The following ATRNL1 variants were observed in gnomAD, a reference collection of about 807,000 sequenced individuals.
The protein encoded by ATRNL1 is attractin like 1.
Under a neutral mutation model 182.7 loss-of-function variants are expected in ATRNL1, and 95 were observed. The ratio of observed to expected loss-of-function variants is 0.52; its 90% CI spans 0.44 to 0.62. ATRNL1 has a LOEUF of 0.62. ATRNL1 is among the 20% of genes least tolerant of loss of function. The pLI is 0.00. For missense variants in ATRNL1, 1,471 were observed against 1,679.5 expected (o/e 0.88, Z 2.17); for synonymous variants, 576 against 568.3 (o/e 1.01, Z -0.19).
At chr10:115,882,567 G>C (rs1555108871) in intron 28 of ATRNL1, among the ~76,000 whole-genome samples, 1 of 152,096 alleles carries the variant, frequency 6.6e-6, no homozygotes, top group Non-Finnish European at 1.5e-5. Context: ...CCACTCTCCA[G>C]GGTCACACAT....
intron 28 of ATRNL1, among the ~76,000 whole-genome samples, chr10:115,895,106 C>G (rs969270888): frequency 2.0e-5 from 3 of 152,084 alleles, no homozygotes; most frequent in Admixed American, 2.0e-4. Flanking sequence ...TTTTAAGTTG[C>G]CATTATATTG....
At chr10:115,846,351 T>C (rs1950927687) in intron 27 of ATRNL1, among the ~76,000 whole-genome samples, 2 of 152,066 alleles carry the variant, frequency 1.3e-5, no homozygotes, top group African/African-American at 4.8e-5. Context: ...CAGTCCAAGT[T>C]TTACAAGAAA....
At chr10:115,219,270 G>C (rs1447911507) in intron 9 of ATRNL1, among the ~76,000 whole-genome samples, 4 of 151,704 alleles carry the variant, frequency 2.6e-5, no homozygotes, top group Non-Finnish European at 4.4e-5. Flanking sequence ...TGACGTGTGT[G>C]CTTTGCACCC....
chr10:115,482,249 A>T (rs1242999880), intron 24 of ATRNL1, among the ~76,000 whole-genome samples: 2 of 151,122 alleles, frequency 1.3e-5, no homozygotes, highest in Non-Finnish European at 3.0e-5. Context: ...AATTCTTTAA[A>T]TATTGCCTTA....
intron 24 of ATRNL1, among the ~76,000 whole-genome samples, chr10:115,484,105 CTG>C (rs1245909592): frequency 7.0e-6 from 1 of 142,646 alleles, no homozygotes; most frequent in East Asian, 2.0e-4. Context: ...TGAAGAGACT[CTG>C]TTTCTGATTA....
chr10:115,226,611 G>A (rs961987287), intron 9 of ATRNL1, among the ~76,000 whole-genome samples: 7 of 150,070 alleles, frequency 4.7e-5, no homozygotes, highest in Middle Eastern at 3.2e-3. Context: ...AAAAGAGCCC[G>A]AATAACCAAA....
intron 27 of ATRNL1, among the ~76,000 whole-genome samples, chr10:115,751,172 G>C (rs1555070527): frequency 6.6e-6 from 1 of 152,040 alleles, no homozygotes; most frequent in African/African-American, 2.4e-5. Context: ...GGTTAGAACG[G>C]TGTGATCAGT....
chr10:115,490,280 A>C (rs1315211185), intron 24 of ATRNL1, among the ~76,000 whole-genome samples: 2 of 152,118 alleles, frequency 1.3e-5, no homozygotes, highest in Non-Finnish European at 2.9e-5. Flanking sequence ...CTGCATTGCT[A>C]GGTCGGGGCA....
chr10:115,381,096 G>A (rs1857972127), intron 19 of ATRNL1, among the ~76,000 whole-genome samples: 1 of 152,030 alleles, frequency 6.6e-6, no homozygotes, highest in Non-Finnish European at 1.5e-5. Flanking sequence ...TGTGTGAAGT[G>A]ATCTCATTGG....
chr10:115,290,665 C>T (rs1350538846), intron 15 of ATRNL1, among the ~76,000 whole-genome samples: 1 of 151,704 alleles, frequency 6.6e-6, no homozygotes, highest in African/African-American at 2.4e-5. Flanking sequence ...CCCCCACCCC[C>T]GTCCAAAAAA....
intron 21 of ATRNL1, among the ~76,000 whole-genome samples, chr10:115,457,629 C>T (rs188909814): frequency 1.5e-4 from 23 of 152,158 alleles, no homozygotes; most frequent in Non-Finnish European, 2.1e-4. Flanking sequence ...CATTCTCTTT[C>T]TCAGCTGATG....
At chr10:115,604,709 G>A (rs1555017085) in intron 26 of ATRNL1, among the ~76,000 whole-genome samples, 1 of 152,014 alleles carries the variant, frequency 6.6e-6, no homozygotes, top group East Asian at 1.9e-4. Context: ...GCCAATTTTT[G>A]ACTCACTTTA....
intron 27 of ATRNL1, among the ~76,000 whole-genome samples, chr10:115,807,170 T>C (rs1949939976): frequency 6.6e-6 from 1 of 150,942 alleles, no homozygotes; most frequent in Non-Finnish European, 1.5e-5. Context: ...TGCAGTGGTG[T>C]AGTGGCATGA....
intron 28 of ATRNL1, among the ~76,000 whole-genome samples, chr10:115,857,848 A>G (rs185914063): frequency 1.2e-4 from 18 of 152,340 alleles, no homozygotes; most frequent in African/African-American, 4.3e-4. Context: ...GAAAAATGAG[A>G]CCACTAGCAC....
intron 19 of ATRNL1, among the ~76,000 whole-genome samples, chr10:115,389,319 A>G (rs1179526282): frequency 6.6e-6 from 1 of 151,560 alleles, no homozygotes; most frequent in Non-Finnish European, 1.5e-5. Flanking sequence ...AGCCTGCCCA[A>G]CATAGTGAAA....
intron 19 of ATRNL1, among the ~76,000 whole-genome samples, chr10:115,379,821 A>T (rs1161448042): frequency 6.6e-6 from 1 of 152,120 alleles, no homozygotes; most frequent in East Asian, 1.9e-4. Context: ...TTTATGAAGT[A>T]AACTTTATAC....
chr10:115,300,547 G>C (rs1554924172), intron 16 of ATRNL1, among the ~76,000 whole-genome samples: 1 of 151,878 alleles, frequency 6.6e-6, no homozygotes. Flanking sequence ...ATAGTGTTTG[G>C]GAAGAAGATT....
intron 26 of ATRNL1, among the ~76,000 whole-genome samples, chr10:115,681,808 C>G (rs898594718): frequency 6.9e-4 from 105 of 152,162 alleles, no homozygotes; most frequent in African/African-American, 2.5e-3. Context: ...ATACACCATC[C>G]CACCCACCAC....
rs1436785273 is a variant in ATRNL1 at position 115,323,360 on chromosome 10, T to C, written c.3037+7624T>C. 2.0e-5 allele frequency among the ~76,000 whole-genome samples: 3 copies of C among 152,072 alleles called. No individual in the cohort carries two copies. The South Asian group carries it at 6.2e-4, about 32-fold the overall frequency. On this transcript the variant is annotated intron_variant, in intron 18 of 28. Transcript: ENST00000355044. ...TTCTTTGTTGATATTCTCTATTTGA[T>C]GAGACATTGTCATCATACCCTTCTT...
Sources: allele counts gnomAD v4.1 joint callset (sites outside exome capture counted in the v4.1 genomes callset), GRCh38; gene constraint gnomAD v4.1.1; transcripts MANE v1.5; gene names NCBI Gene and HGNC (gene_info 2026-07-23, HGNC 2026-07-21).